ETV6: variants seen among roughly 807,000 people sequenced by gnomAD.
ETV6 encodes the protein ETS variant transcription factor 6.
Under a neutral mutation model 51.1 loss-of-function variants are expected in ETV6, and 16 were observed. The ratio of observed to expected loss-of-function variants is 0.31; its 90% CI spans 0.21 to 0.48. The LOEUF (loss-of-function observed/expected upper bound fraction) is 0.48, where lower values mean the gene tolerates loss of function less well. Among genes scored for constraint, ETV6 ranks in the 20% least tolerant of loss-of-function variants. The probability of loss-of-function intolerance (pLI) is 0.99; values close to 1 mark genes in which losing one functional copy is unlikely to be tolerated. For missense variants in ETV6, 458 were observed against 594.8 expected (o/e 0.77, Z 2.39); for synonymous variants, 240 against 224.1 (o/e 1.07, Z -0.64).
At chr12:11,746,112 C>G (rs1436186948) in intron 1 of ETV6, among the ~76,000 whole-genome samples, 1 of 152,214 alleles carries the variant, frequency 6.6e-6, no homozygotes. Context: ...TTAGGCAGCT[C>G]TGTTGAGTCA....
intron 2 of ETV6, among the ~76,000 whole-genome samples, chr12:11,797,244 C>T (rs1945693178): frequency 6.6e-6 from 1 of 151,820 alleles, no homozygotes; most frequent in Non-Finnish European, 1.5e-5. Flanking sequence ...ACTGGGAACA[C>T]AGAAATGAAA....
At chr12:11,696,543 G>T (rs948988796) in intron 1 of ETV6, among the ~76,000 whole-genome samples, 3 of 152,168 alleles carry the variant, frequency 2.0e-5, no homozygotes, top group African/African-American at 7.2e-5. Flanking sequence ...TCCCAGCCAG[G>T]CGCAGTGGCT....
Position 11,762,797 on chromosome 12 carries a change from A to G in ETV6, c.163+10218A>G, listed in dbSNP as rs540579706. On this transcript the variant is annotated intron_variant, in intron 2 of 7. Transcript: ENST00000396373. The stretch of plus-strand genomic sequence containing the variant: ...GCCATGGGCTGTGAAAAGGGGGTGT[A>G]AGATTAGGGAGAAAAGACTCGCCCA... Among the ~76,000 whole-genome samples, 16 of 152,314 alleles carry G rather than the reference A, an allele frequency of 1.1e-4. No homozygotes were observed. In the East Asian group the frequency reaches 2.7e-3, roughly 26 times the overall value.
At chr12:11,696,463 A>G (rs901050309) in intron 1 of ETV6, among the ~76,000 whole-genome samples, 1 of 152,196 alleles carries the variant, frequency 6.6e-6, no homozygotes, top group African/African-American at 2.4e-5. Flanking sequence ...TGCAATAAAA[A>G]CTAAGGGAGT....
At chr12:11,811,490 A>G (rs1945912813) in intron 2 of ETV6, among the ~76,000 whole-genome samples, 1 of 151,868 alleles carries the variant, frequency 6.6e-6, no homozygotes, top group African/African-American at 2.4e-5. Flanking sequence ...CTCCTTGAGC[A>G]TGGATTTTTG....
intron 1 of ETV6, among the ~76,000 whole-genome samples, chr12:11,720,594 C>T (rs117662001): frequency 0.021 from 3,211 of 152,178 alleles, 61 homozygotes; most frequent in East Asian, 0.083. Context: ...TGGATTAAAT[C>T]GAAATCTAAG....
chr12:11,847,162 G>A (rs1946478776), intron 3 of ETV6, among the ~76,000 whole-genome samples: 1 of 152,184 alleles, frequency 6.6e-6, no homozygotes, highest in Non-Finnish European at 1.5e-5. Flanking sequence ...AAAAGGCAGA[G>A]TCTGCAGGTC....
rs1946835969 is a variant in ETV6 at position 11,869,151 on chromosome 12, G to A, written c.464-273G>A. Among the ~76,000 whole-genome samples the A allele has an allele frequency of 6.6e-6, 1 of 151,826 alleles. No homozygotes were observed. The highest frequency in any genetic ancestry group is 6.6e-5 in the Admixed American group (1 of 15,234). On this transcript the variant is annotated intron_variant, in intron 4 of 7. Transcript: ENST00000396373. This position sits in a 1 kb window ranked among gnomAD's most constrained non-coding sequence, Gnocchi z 5.0. ...CTCGGGAGGCTGAGGCCGGAGAATG[G>A]CATGAACCCGGGAGGCAGAGCTTGC...
chr12:11,798,784 G>A (rs184485468), intron 2 of ETV6, among the ~76,000 whole-genome samples: 5 of 152,276 alleles, frequency 3.3e-5, no homozygotes, highest in Admixed American at 2.0e-4. Context: ...ATAGCTGTGT[G>A]AGTGGTATTT....
At chr12:11,780,138 C>T (rs1421062198) in intron 2 of ETV6, among the ~76,000 whole-genome samples, 1 of 152,062 alleles carries the variant, frequency 6.6e-6, no homozygotes, top group Non-Finnish European at 1.5e-5. Flanking sequence ...AATAAATGAC[C>T]CAGTCTGAAA....
chr12:11,869,594 C>G lies in ETV6; in HGVS notation c.634C>G (p.Leu212Val). 2 of 1,614,226 alleles carry G rather than the reference C, an allele frequency of 1.2e-6. No homozygotes were observed. Among genetic ancestry groups the G allele is most frequent in the African/African-American group, 1.3e-5 (1 of 75,058 alleles). ...CCCCCTGGACAACATGATCCGCCGC[C>G]TCTCCCCGGCTGAGAGAGCTCAGGG... ...RSPLDNMIRRLSPAERAQGPR... is the reference protein window; with the variant it reads ...RSPLDNMIRRVSPAERAQGPR... The change falls in exon 5 of 8, where the codon CTC becomes GTC. Residue 212 changes from leucine (L) to valine (V), a missense_variant. Transcript: ENST00000396373. This position sits in a 1 kb window ranked among gnomAD's most constrained non-coding sequence, Gnocchi z 5.0.
intron 1 of ETV6, among the ~76,000 whole-genome samples, chr12:11,663,809 T>C (rs2541128): frequency 0.73 from 110,428 of 151,944 alleles, 44,072 homozygotes; most frequent in Non-Finnish European, 0.87. Flanking sequence ...TCTTCAGTGG[T>C]GAACTGAAAA....
intron 1 of ETV6, among the ~76,000 whole-genome samples, chr12:11,665,631 G>C (rs1039855276): frequency 2.6e-5 from 4 of 152,174 alleles, no homozygotes; most frequent in African/African-American, 9.7e-5. Flanking sequence ...TTCTGTTACG[G>C]ACTTAATTGG....
At position 11,781,014 on chromosome 12, in the gene ETV6, A is replaced by G. The variant is rs141676956; in HGVS notation, c.163+28435A>G. ...GGTACAAGATGTTAGCAAACTATGC[A>G]AATCTCAATGAGTTTTGTTTCCTAA... is the stretch of plus-strand genomic sequence containing the variant. On this transcript the variant is annotated intron_variant, in intron 2 of 7. Coordinates refer to ENST00000396373, the MANE Select transcript of ETV6 (RefSeq NM_001987.5). Among the ~76,000 whole-genome samples the G allele has an allele frequency of 1.4e-4, 22 of 152,372 alleles. 1 individual carries two copies. In the East Asian group the frequency reaches 4.0e-3, roughly 28 times the overall value.
intron 1 of ETV6, among the ~76,000 whole-genome samples, chr12:11,742,447 C>T (rs376573107): frequency 6.6e-6 from 1 of 152,108 alleles, no homozygotes; most frequent in Non-Finnish European, 1.5e-5. Context: ...AAATTACTTG[C>T]CAAGGTGATT....
intron 1 of ETV6, among the ~76,000 whole-genome samples, chr12:11,704,534 A>T (rs1177399592): frequency 6.6e-6 from 1 of 152,078 alleles, no homozygotes; most frequent in Non-Finnish European, 1.5e-5. Flanking sequence ...TTTAGTAGAG[A>T]TGGGATTTCA....
chr12:11,660,750 G>T (rs1384429133), intron 1 of ETV6, among the ~76,000 whole-genome samples: 1 of 152,112 alleles, frequency 6.6e-6, no homozygotes, highest in Non-Finnish European at 1.5e-5. Context: ...TTCCCAAACT[G>T]CCCTTGGCCA....
At chr12:11,748,978 G>A (rs112253736) in intron 1 of ETV6, among the ~76,000 whole-genome samples, 11 of 152,052 alleles carry the variant, frequency 7.2e-5, no homozygotes, top group African/African-American at 2.4e-4. Flanking sequence ...TCTTCCCAGC[G>A]CTTTGTGCCG....
chr12:11,890,807 A>G, intron 7 of ETV6, 134 bp from the exon 8 acceptor site: 2 of 741,762 alleles, frequency 2.7e-6, no homozygotes, highest in South Asian at 3.0e-5. Flanking sequence ...CTAAGTTAAC[A>G]TTAATCTCGG....
Sources: gnomAD v4.1 joint callset for allele counts (sites outside exome capture counted in the v4.1 genomes callset) on GRCh38, gnomAD v4.1.1 for gene constraint, Gnocchi (gnomAD v3.1) non-coding constraint, MANE v1.5 for transcripts, NCBI Gene and HGNC (gene_info 2026-07-23, HGNC 2026-07-21) for gene names.